Variants in PLPPR1 observed in about 807,000 individuals in gnomAD.
PLPPR1 encodes the protein phospholipid phosphatase-related protein type 1.
PLPPR1 carries 10 observed loss-of-function variants against 33.1 expected under a neutral mutation model. The ratio of observed to expected loss-of-function variants is 0.30; its 90% CI spans 0.19 to 0.51. The LOEUF is 0.51. Among genes scored for constraint, PLPPR1 ranks in the 20% least tolerant of loss-of-function variants. The pLI is 0.97. For synonymous variants in PLPPR1, 151 were observed against 151.0 expected (o/e 1.00, Z 0.00); for missense variants, 304 against 408.1 (o/e 0.74, Z 2.20).
intron 4 of PLPPR1, among the ~76,000 whole-genome samples, chr9:101,300,430 CAG>C: frequency 6.6e-6 from 1 of 152,274 alleles, no homozygotes; most frequent in South Asian, 2.1e-4. Context: ...CTCAGCCTTC[CAG>C]AGTGTTGATA....
chr9:101,209,948 G>A (rs1186278274), intron 2 of PLPPR1, among the ~76,000 whole-genome samples: 1 of 152,158 alleles, frequency 6.6e-6, no homozygotes, highest in East Asian at 1.9e-4. Context: ...TATAAGCCCA[G>A]GAATAATGTT....
At chr9:101,269,420 C>T (rs12005053) in intron 2 of PLPPR1, among the ~76,000 whole-genome samples, 3,369 of 152,224 alleles carry the variant, frequency 0.022, 107 homozygotes, top group African/African-American at 0.075. Flanking sequence ...TTCGTTTACT[C>T]GTGGTTTACC....
chr9:101,206,674 C>A (rs1158387923), intron 2 of PLPPR1, among the ~76,000 whole-genome samples: 1 of 152,140 alleles, frequency 6.6e-6, no homozygotes, highest in Non-Finnish European at 1.5e-5. Context: ...ATTGATTCAG[C>A]TCCCAACTAC....
intron 3 of PLPPR1, among the ~76,000 whole-genome samples, chr9:101,277,093 G>T (rs1237325880): frequency 6.6e-6 from 1 of 152,146 alleles, no homozygotes; most frequent in Non-Finnish European, 1.5e-5. Flanking sequence ...GGGTCTATAG[G>T]TTGAAAATCT....
chr9:101,314,602 TA>T (rs200723396), intron 6 of PLPPR1, among the ~76,000 whole-genome samples: 1,487 of 141,286 alleles, frequency 0.011, 8 homozygotes, highest in African/African-American at 0.022. Flanking sequence ...GCATTATGTC[TA>T]AAAAAAAAAA....
chr9:101,123,028 C>T (rs760814934), intron 1 of PLPPR1, among the ~76,000 whole-genome samples: 36 of 152,202 alleles, frequency 2.4e-4, no homozygotes, highest in Admixed American at 1.8e-3. Flanking sequence ...GGTAGATTCA[C>T]CTGGGCTTGT....
chr9:101,264,557 T>C (rs10819917), intron 2 of PLPPR1, among the ~76,000 whole-genome samples: 10,517 of 152,260 alleles, frequency 0.069, 447 homozygotes, highest in South Asian at 0.22. Flanking sequence ...TTGGTGGGCA[T>C]GCCCCAGGTA....
intron 1 of PLPPR1, among the ~76,000 whole-genome samples, chr9:101,183,232 C>A (rs1350056122): frequency 1.3e-5 from 2 of 151,622 alleles, no homozygotes; most frequent in African/African-American, 4.8e-5. Flanking sequence ...TGAATACAAC[C>A]AAATACTGGA....
At chr9:101,139,683 G>A (rs186342755) in intron 1 of PLPPR1, among the ~76,000 whole-genome samples, 2 of 152,196 alleles carry the variant, frequency 1.3e-5, no homozygotes, top group Non-Finnish European at 2.9e-5. Context: ...TTACTTCCAG[G>A]TAAGCATGGA....
intron 2 of PLPPR1, among the ~76,000 whole-genome samples, chr9:101,246,772 AC>A (rs1174716982): frequency 2.0e-5 from 3 of 152,076 alleles, no homozygotes; most frequent in African/African-American, 7.2e-5. Context: ...TCTAGACCAT[AC>A]TGGGCCGTTT....
At chr9:101,030,470 T>C (rs1829931819) in intron 1 of PLPPR1, among the ~76,000 whole-genome samples, 1 of 151,508 alleles carries the variant, frequency 6.6e-6, no homozygotes, top group Non-Finnish European at 1.5e-5. Flanking sequence ...AAGACTTCAC[T>C]ATTTCTGGGA....
chr9:101,238,389 T>C (rs1827377505), intron 2 of PLPPR1, among the ~76,000 whole-genome samples: 1 of 146,594 alleles, frequency 6.8e-6, no homozygotes, highest in African/African-American at 2.5e-5. Flanking sequence ...GGTATATATA[T>C]ATGATGGAAT....
intron 6 of PLPPR1, among the ~76,000 whole-genome samples, chr9:101,316,155 C>G (rs1472032868): frequency 6.6e-6 from 1 of 151,838 alleles, no homozygotes; most frequent in Non-Finnish European, 1.5e-5. Flanking sequence ...AGTGTAGGGT[C>G]CTCGGGCGCG....
chr9:101,031,175 C>G (rs1829940647), intron 1 of PLPPR1, among the ~76,000 whole-genome samples: 1 of 152,132 alleles, frequency 6.6e-6, no homozygotes, highest in Non-Finnish European at 1.5e-5. Context: ...TGAACACTCT[C>G]ATCATTTTCT....
intron 7 of PLPPR1, among the ~76,000 whole-genome samples, chr9:101,322,198 C>CAAAAAAA (rs57344415): frequency 1.8e-4 from 5 of 27,678 alleles, no homozygotes; most frequent in Non-Finnish European, 2.7e-4. Flanking sequence ...GACTTCATCT[C>CAAAAAAA]AAAAAAAAAA....
intron 1 of PLPPR1, among the ~76,000 whole-genome samples, chr9:101,045,953 A>G (rs1251092870): frequency 6.6e-6 from 1 of 152,246 alleles, no homozygotes; most frequent in Non-Finnish European, 1.5e-5. Context: ...TTACAAAAAT[A>G]TCAGCAACAT....
At chr9:101,248,946 T>C (rs1236542006) in intron 2 of PLPPR1, among the ~76,000 whole-genome samples, 1 of 152,012 alleles carries the variant, frequency 6.6e-6, no homozygotes, top group Non-Finnish European at 1.5e-5. Context: ...TAATAACATC[T>C]TCCTACCAAA....
chr9:101,164,829 C>A (rs1476697976), intron 1 of PLPPR1, among the ~76,000 whole-genome samples: 1 of 152,086 alleles, frequency 6.6e-6, no homozygotes, highest in African/African-American at 2.4e-5. Context: ...AGCACAAGAA[C>A]CAGGTGAACC....
intron 1 of PLPPR1, among the ~76,000 whole-genome samples, chr9:101,040,684 G>GC (rs1363629932): frequency 6.6e-6 from 1 of 152,110 alleles, no homozygotes; most frequent in Non-Finnish European, 1.5e-5. Context: ...AAAACACTCA[G>GC]CCCATTAATC....
Sources: allele counts gnomAD v4.1 joint callset (sites outside exome capture counted in the v4.1 genomes callset), GRCh38; gene constraint gnomAD v4.1.1; transcripts MANE v1.5; gene names NCBI Gene and HGNC (gene_info 2026-07-23, HGNC 2026-07-21).